ATP10B: variants seen among roughly 807,000 people sequenced by gnomAD.
ATP10B encodes ATPase phospholipid transporting 10B (putative), also known as phospholipid-transporting ATPase VB.
A neutral mutation model predicts 141.2 loss-of-function variants in ATP10B; 122 were observed. The ratio of observed to expected loss-of-function variants is 0.86; its 90% confidence interval spans 0.75 to 1.00. The LOEUF is 1.00. Ranked by LOEUF, ATP10B falls within the 50% of genes least tolerant of loss-of-function variation. The pLI, the probability that ATP10B is intolerant of heterozygous loss-of-function variation, is 0.00. For synonymous variants in ATP10B, 685 were observed against 692.0 expected (o/e 0.99, Z 0.16); for missense variants, 1,876 against 1,825.3 (o/e 1.03, Z -0.51).
intron 6 of ATP10B, among the ~76,000 whole-genome samples, chr5:160,681,393 CTG>C (rs1259852852): frequency 6.6e-6 from 1 of 152,218 alleles, no homozygotes; most frequent in African/African-American, 2.4e-5. Flanking sequence ...AATAGTTAGT[CTG>C]AGATCTGGGC....
chr5:160,888,441 T>G, the ATP10B span, among the ~76,000 whole-genome samples: 2 of 152,356 alleles, frequency 1.3e-5, no homozygotes, highest in African/African-American at 4.8e-5. Flanking sequence ...AGTCTCTCGA[T>G]GTCTAGGCGG....
intron 1 of ATP10B, among the ~76,000 whole-genome samples, chr5:160,846,952 A>G (rs968980432): frequency 3.9e-5 from 6 of 152,226 alleles, no homozygotes; most frequent in African/African-American, 1.4e-4. Flanking sequence ...ATGCGGTTGA[A>G]GCCCTTGAAA....
intron 1 of ATP10B, among the ~76,000 whole-genome samples, chr5:160,838,404 G>A (rs965030504): frequency 1.3e-5 from 2 of 152,156 alleles, no homozygotes; most frequent in Non-Finnish European, 2.9e-5. Context: ...TTATCAGGCA[G>A]GGCCAACCAC....
At chr5:160,741,900 G>A (rs1767508374) in intron 2 of ATP10B, among the ~76,000 whole-genome samples, 1 of 152,106 alleles carries the variant, frequency 6.6e-6, no homozygotes, top group Non-Finnish European at 1.5e-5. Context: ...AAATATTTAT[G>A]GAGCACTTAG....
intron 1 of ATP10B, among the ~76,000 whole-genome samples, chr5:160,822,980 TTACATATACATATATATATACA>T (rs1324459411): frequency 1.8e-5 from 1 of 56,474 alleles, no homozygotes; most frequent in African/African-American, 6.5e-5. Context: ...TAGTAAAAAA[TTACATATACATATATATATACA>T]TATATATATA....
intron 22 of ATP10B, among the ~76,000 whole-genome samples, chr5:160,593,394 C>T (rs1171640300): frequency 2.0e-5 from 3 of 152,030 alleles, no homozygotes; most frequent in Non-Finnish European, 4.4e-5. Context: ...ATAGAAAGGA[C>T]ATCCACAGCA....
At chr5:160,672,447 C>G (rs969574734) in intron 6 of ATP10B, among the ~76,000 whole-genome samples, 2 of 152,156 alleles carry the variant, frequency 1.3e-5, no homozygotes, top group African/African-American at 4.8e-5. Flanking sequence ...TGTGCCAAGC[C>G]AAATTTAACT....
At position 160,652,785 on chromosome 5, in the gene ATP10B, T is replaced by A. The variant is rs1302605061; in HGVS notation, c.676-3529A>T. 7.8e-5 allele frequency among the ~76,000 whole-genome samples: 8 copies of A among 102,968 alleles called. No homozygotes were observed. In the South Asian group the frequency reaches 1.3e-3, roughly 17 times the overall value. The allele number at this position is 102,968 out of a possible 152,430, so 67.6% of individuals were successfully genotyped here. On this transcript the variant is annotated intron_variant, in intron 7 of 25. Transcript: ENST00000327245. ...TTATATACATAAATATAAATATATA[T>A]AAAAATATATAATATATTATATAAT...
In ATP10B at chr5:160,599,851, G is replaced by C. The variant is rs115439166; in HGVS notation, c.3364-881C>G. Among the ~76,000 whole-genome samples, 442 of 152,294 alleles carry C rather than the reference G, an allele frequency of 2.9e-3. 1 individual carries two copies. Among genetic ancestry groups the C allele is most frequent in the African/African-American group, 0.01 (430 of 41,554 alleles). On this transcript the variant is annotated intron_variant, in intron 21 of 25. Coordinates refer to ENST00000327245, the MANE Select transcript of ATP10B (RefSeq NM_025153.3). ...TCATACATATAAGCAGCTGGTCCTG[G>C]AGTTAGAACTAGAACTTCTCAGTTA...
chr5:160,895,964 T>C, the ATP10B span, among the ~76,000 whole-genome samples: 1 of 152,030 alleles, frequency 6.6e-6, no homozygotes, highest in Non-Finnish European at 1.5e-5. Context: ...AATAATGAAA[T>C]GAAGGCAGAA....
intron 3 of ATP10B, among the ~76,000 whole-genome samples, chr5:160,714,936 G>A (rs993383592): frequency 1.4e-5 from 2 of 138,160 alleles, no homozygotes; most frequent in Non-Finnish European, 3.1e-5. Flanking sequence ...CGGGGGTCAG[G>A]GGTCAGGGAC....
chr5:160,629,707 C>T (rs775709865), intron 13 of ATP10B, among the ~76,000 whole-genome samples: 41 of 152,182 alleles, frequency 2.7e-4, no homozygotes, highest in Non-Finnish European at 5.3e-4. Context: ...TCAAAATAAA[C>T]TCATGAGCCA....
rs138346225 is a variant in ATP10B, at chr5:160,607,008, G to A, written c.2917C>T (p.Leu973Phe). The stretch of plus-strand genomic sequence containing the variant: ...TTGGAAGGTAAGCGGAATCCAAAGA[G>A]CTTGCGGTCTGGCTTCTGTAGTTCA... ...FRELQKPDRK[L>F]FGFRLPSKTP... The change falls in exon 19 of 26, where the codon CTC becomes TTC. Residue 973 changes from leucine (L) to phenylalanine (F), a missense_variant. Leu to Phe is a conservative substitution (Grantham distance 22). Transcript: ENST00000327245. 305 of 1,614,174 alleles carry A rather than the reference G, an allele frequency of 1.9e-4. No homozygotes were observed. In the African/African-American group the frequency reaches 3.7e-3, roughly 20 times the overall value.
chr5:160,845,085 G>A (rs763263577), intron 1 of ATP10B, among the ~76,000 whole-genome samples: 1 of 152,122 alleles, frequency 6.6e-6, no homozygotes, highest in African/African-American at 2.4e-5. Context: ...AAAATCTGGT[G>A]TTAAAAGATA....
the ATP10B span, among the ~76,000 whole-genome samples, chr5:160,878,069 T>C: frequency 5.3e-3 from 796 of 151,608 alleles, 9 homozygotes; most frequent in African/African-American, 0.018. Context: ...GAGCCCACAT[T>C]GCCAAGTCAA....
At chr5:160,767,958 CT>C (rs1199280167) in intron 2 of ATP10B, among the ~76,000 whole-genome samples, 1 of 152,062 alleles carries the variant, frequency 6.6e-6, no homozygotes, top group Non-Finnish European at 1.5e-5. Flanking sequence ...TTCTCTTTCT[CT>C]CCCGAACATT....
intron 19 of ATP10B, among the ~76,000 whole-genome samples, chr5:160,604,484 C>G (rs1757268714): frequency 6.6e-6 from 1 of 152,200 alleles, no homozygotes; most frequent in South Asian, 2.1e-4. Flanking sequence ...AGGGCCAACA[C>G]ACTTCCCTCG....
chr5:160,568,347 G>T (rs1754676954), intron 25 of ATP10B, among the ~76,000 whole-genome samples: 1 of 152,134 alleles, frequency 6.6e-6, no homozygotes, highest in African/African-American at 2.4e-5. Flanking sequence ...AGGGGCAAGA[G>T]AACCTAGGGA....
In ATP10B at chr5:160,612,864, C is replaced by A; in HGVS notation, c.2715G>T (p.Arg905=). ...EGVPDTIATL[R]EAGIQLWVLT... is the part of the protein sequence containing the mutation. Reference sequence around the variant, plus strand: ...GGACCCAGAGCTGGATCCCAGCCTCCCGCAGAGTGGCAATCGTATCTGGAA... The same window carrying A: ...GGACCCAGAGCTGGATCCCAGCCTCACGCAGAGTGGCAATCGTATCTGGAA... The change falls in exon 18 of 26, where the codon CGG becomes CGT. Residue 905 remains arginine (R), a synonymous_variant. Transcript: ENST00000327245. 6.2e-7 allele frequency: 1 copy of A among 1,614,086 alleles called. No homozygotes were observed. Among genetic ancestry groups the A allele is most frequent in the Non-Finnish European group, 8.5e-7 (1 of 1,179,994 alleles).
Sources: allele counts gnomAD v4.1 joint callset (sites outside exome capture counted in the v4.1 genomes callset), GRCh38; gene constraint gnomAD v4.1.1; transcripts MANE v1.5; gene names NCBI Gene and HGNC (gene_info 2026-07-23, HGNC 2026-07-21).